KLC1: variants seen among roughly 807,000 people sequenced by gnomAD.
KLC1 encodes the protein kinesin light chain 1, also known as kinesin 2 60/70kDa.
Under a neutral mutation model 84.2 loss-of-function variants are expected in KLC1, and 30 were observed. The ratio of observed to expected loss-of-function variants is 0.36; its 90% confidence interval spans 0.27 to 0.48. KLC1 has a LOEUF of 0.48. KLC1 is among the 20% of genes least tolerant of loss of function. The pLI, the probability that KLC1 is intolerant of heterozygous loss-of-function variation, is 0.99. For missense variants in KLC1, 499 were observed against 805.4 expected, an observed-to-expected ratio of 0.62 and a Z score of 4.60; for synonymous variants, 289 against 293.3, an observed-to-expected ratio of 0.99 and a Z score of 0.15.
intron 1 of KLC1, among the ~76,000 whole-genome samples, chr14:103,636,117 G>A (rs1053363202): frequency 3.9e-5 from 6 of 152,084 alleles, no homozygotes; most frequent in African/African-American, 1.2e-4. Flanking sequence ...ATCTGGCAGC[G>A]CTGAGACTGT....
chr14:103,692,545 A>G, intron 15 of KLC1, 120 bp downstream of exon 15: 1 of 712,398 alleles, frequency 1.4e-6, no homozygotes, highest in Non-Finnish European at 2.3e-6. Flanking sequence ...GGACGCCGCC[A>G]CGTTTGTTCC....
At chr14:103,657,488 G>C in intron 2 of KLC1, 58 bp from the exon 3 acceptor site, 2 of 1,393,154 alleles carry the variant, frequency 1.4e-6, no homozygotes, top group Non-Finnish European at 2.0e-6. Context: ...TCGCACGGGT[G>C]GGAGGGACTC....
intron 5 of KLC1, among the ~76,000 whole-genome samples, chr14:103,668,503 A>G (rs1418195779): frequency 6.6e-6 from 1 of 151,050 alleles, no homozygotes; most frequent in Non-Finnish European, 1.5e-5. Flanking sequence ...TTTGAGACGG[A>G]GTCTTGCTCT....
At chr14:103,689,447 G>A (rs891130558) in intron 14 of KLC1, among the ~76,000 whole-genome samples, 1 of 152,200 alleles carries the variant, frequency 6.6e-6, no homozygotes, top group African/African-American at 2.4e-5. Flanking sequence ...ACGGACTAAC[G>A]TTTTCTACAT....
chr14:103,665,891 TC>T (rs2079744430), intron 5 of KLC1, among the ~76,000 whole-genome samples: 1 of 152,074 alleles, frequency 6.6e-6, no homozygotes, highest in South Asian at 2.1e-4. Context: ...GGGGCTCTAT[TC>T]CGTTGGTGGA....
At position 103,684,746 on chromosome 14, in the gene KLC1, A is replaced by G. The variant is rs569592394; in HGVS notation, c.1651-2335A>G. The G allele has an allele frequency of 6.2e-5, 32 of 512,876 alleles. No homozygotes were observed. In the East Asian group the frequency reaches 1.1e-3, roughly 17 times the overall value. 31.8% of individuals were successfully genotyped at this position (512,876 alleles called of 1,614,324 possible). A position where few individuals can be genotyped will look rare whatever the true frequency, so the allele number is the denominator to read the frequency against. On this transcript the variant is annotated intron_variant, in intron 13 of 16. Coordinates refer to ENST00000334553, the MANE Select transcript of KLC1 (RefSeq NM_001394837.1). ...CGCGTGTGTGTGTGTGTCACATGAAATACTTTTGAATCTGAGTGAAATGAA... is the reference window on the plus strand; with the variant it reads ...CGCGTGTGTGTGTGTGTCACATGAAGTACTTTTGAATCTGAGTGAAATGAA...
rs1264799296 is a variant in KLC1 at position 103,687,430 on chromosome 14, A to G, written c.1781+219A>G. 2 of 228,374 alleles carry G rather than the reference A, an allele frequency of 8.8e-6. 1 individual carries two copies. Among genetic ancestry groups the G allele is most frequent in the South Asian group, 2.7e-4 (2 of 7,368 alleles). The allele number at this position is 228,374 out of a possible 1,614,324, so 14.1% of individuals were successfully genotyped here. ...TCCTGTTAGTGGCTAAAGGGCGAAT[A>G]CCTTTAAAAGAAATTTATGGAATTT... On this transcript the variant is annotated intron_variant, in intron 14 of 16. Coordinates refer to ENST00000334553, the MANE Select transcript of KLC1 (RefSeq NM_001394837.1).
intron 15 of KLC1, chr14:103,699,439 C>G: frequency 6.2e-7 from 1 of 1,612,880 alleles, no homozygotes; most frequent in South Asian, 1.1e-5. Context: ...ACTGCAGATG[C>G]CTGGCCCTGG....
rs2082315349 is a variant in KLC1 at position 103,694,615 on chromosome 14, A to C, written c.1848+2190A>C. 1.0e-6 allele frequency: 1 copy of C among 985,350 alleles called. No homozygotes were observed. The allele number at this position is 985,350 out of a possible 1,614,324, so 61.0% of individuals were successfully genotyped here. A position where few individuals can be genotyped will look rare whatever the true frequency, so the allele number is the denominator to read the frequency against. On this transcript the variant is annotated intron_variant, in intron 15 of 16. Coordinates refer to ENST00000334553, the MANE Select transcript of KLC1 (RefSeq NM_001394837.1). This position sits in a 1 kb window ranked among gnomAD's most constrained non-coding sequence, Gnocchi z 4.5. ...GACGCCGAGGTGATCAGTGATTCCA[A>C]AGGCTGACGCTCAGCAGCGCCACCT...
At chr14:103,665,868 A>G (rs962016357) in intron 5 of KLC1, among the ~76,000 whole-genome samples, 1 of 152,168 alleles carries the variant, frequency 6.6e-6, no homozygotes, top group Non-Finnish European at 1.5e-5. Context: ...CACAGGCGCC[A>G]CCCTGGAGGT....
intron 1 of KLC1, 58 bp from the exon 2 acceptor site, chr14:103,654,506 G>A: frequency 7.1e-7 from 1 of 1,415,844 alleles, no homozygotes; most frequent in Non-Finnish European, 9.5e-7. Context: ...TTTACTTGAT[G>A]TAACAGAAAT....
chr14:103,646,799 A>C (rs906067249), intron 1 of KLC1, among the ~76,000 whole-genome samples: 1 of 151,714 alleles, frequency 6.6e-6, no homozygotes, highest in Non-Finnish European at 1.5e-5. Flanking sequence ...TTTTGTAGAG[A>C]TGGGGTCTTG....
chr14:103,683,089 A>G (rs534413204), intron 13 of KLC1: 1 of 152,238 alleles, frequency 6.6e-6, no homozygotes, highest in Non-Finnish European at 1.5e-5. Flanking sequence ...CATAAGTAAC[A>G]TTGAAAACAA....
At chr14:103,644,969 T>TTC (rs1031231312) in intron 1 of KLC1, among the ~76,000 whole-genome samples, 3 of 151,704 alleles carry the variant, frequency 2.0e-5, no homozygotes, top group Non-Finnish European at 2.9e-5. Context: ...TTTCTTTTCT[T>TTC]TCTCTCTCTC....
intron 5 of KLC1, among the ~76,000 whole-genome samples, chr14:103,668,639 G>A (rs2080104663): frequency 6.6e-6 from 1 of 151,812 alleles, no homozygotes; most frequent in African/African-American, 2.4e-5. Context: ...TGCCATGCCC[G>A]GCTATTTTTT....
chr14:103,662,396 G>A (rs954668099), intron 4 of KLC1, among the ~76,000 whole-genome samples: 3 of 152,044 alleles, frequency 2.0e-5, no homozygotes, highest in African/African-American at 7.2e-5. Flanking sequence ...AGGATACAGC[G>A]GCATGCACGT....
chr14:103,678,983 G>T (rs1487120762), intron 12 of KLC1, among the ~76,000 whole-genome samples: 1 of 152,184 alleles, frequency 6.6e-6, no homozygotes, highest in East Asian at 1.9e-4. Context: ...TGGAAAATAG[G>T]CATTGGTGAG....
Position 103,685,312 on chromosome 14 carries a change from TAC to T in KLC1, c.1651-1767_1651-1766del, listed in dbSNP as rs2081696656. On this transcript the variant is annotated intron_variant, in intron 13 of 16. Transcript: ENST00000334553. ...TTTTTCATTGCATAATCTCCTTATA[TAC>T]AGTTACTTGTAAAGCCTTTTACACC... The T allele has an allele frequency of 6.1e-6, 8 of 1,314,056 alleles. 1 individual carries two copies. In the South Asian group the frequency reaches 1.3e-4, roughly 21 times the overall value. The allele number at this position is 1,314,056 out of a possible 1,614,324, so 81.4% of individuals were successfully genotyped here. A position where few individuals can be genotyped will look rare whatever the true frequency, so the allele number is the denominator to read the frequency against.
chr14:103,670,380 G>C (rs1420972191), intron 7 of KLC1, 97 bp downstream of exon 7: 5 of 749,634 alleles, frequency 6.7e-6, no homozygotes, highest in Non-Finnish European at 1.1e-5. Context: ...TTCTGTCACC[G>C]GGCTGGAGTG....
Sources: gnomAD v4.1 joint callset for allele counts (sites outside exome capture counted in the v4.1 genomes callset) on GRCh38, gnomAD v4.1.1 for gene constraint, Gnocchi (gnomAD v3.1) non-coding constraint, MANE v1.5 for transcripts, NCBI Gene and HGNC (gene_info 2026-07-23, HGNC 2026-07-21) for gene names.